The following CDK5RAP1 variants were observed in gnomAD, a reference collection of about 807,000 sequenced individuals.
The protein encoded by CDK5RAP1 is mitochondrial tRNA methylthiotransferase CDK5RAP1.
Under a neutral mutation model 64.5 loss-of-function variants are expected in CDK5RAP1, and 62 were observed. The observed-to-expected ratio is 0.96, with a 90% CI of 0.78 to 1.19. The LOEUF (loss-of-function observed/expected upper bound fraction) is 1.19, where lower values mean the gene tolerates loss of function less well. CDK5RAP1 is among the 50% of genes most tolerant of loss of function. The pLI, the probability that CDK5RAP1 is intolerant of heterozygous loss-of-function variation, is 0.00. For synonymous variants in CDK5RAP1, 250 were observed against 261.9 expected (o/e 0.95, Z 0.44); for missense variants, 657 against 735.0 (o/e 0.89, Z 1.23).
chr20:33,383,741 C>CA (rs34365439), intron 7 of CDK5RAP1, among the ~76,000 whole-genome samples: 56,598 of 90,906 alleles, frequency 0.62, 17,334 homozygotes, highest in Non-Finnish European at 0.69. Context: ...AACTCTGTCT[C>CA]AAAAAAAAAA....
Position 33,370,648 on chromosome 20 carries a change from G to C in CDK5RAP1, c.1262-19C>G. ...CTCACACCTGTGATACACAGCAAAG[G>C]ATGACAGGTGACTGCCTGCTGTTTA... On this transcript the variant is annotated intron_variant, in intron 10 of 13. Coordinates refer to ENST00000346416, the MANE Select transcript of CDK5RAP1 (RefSeq NM_016408.4). The C allele has an allele frequency of 6.2e-7, 1 of 1,613,932 alleles. No homozygotes were observed. Among genetic ancestry groups the C allele is most frequent in the Non-Finnish European group, 8.5e-7 (1 of 1,179,840 alleles).
At chr20:33,392,320 A>T in intron 4 of CDK5RAP1, 78 bp from the exon 5 acceptor site, 1 of 809,464 alleles carries the variant, frequency 1.2e-6, no homozygotes, top group South Asian at 2.1e-5. Context: ...AGTGGGAAGA[A>T]AATAAAAACC....
At chr20:33,385,878 T>C in intron 6 of CDK5RAP1, 108 bp from the exon 7 acceptor site, 5 of 1,015,926 alleles carry the variant, frequency 4.9e-6, no homozygotes, top group Non-Finnish European at 7.2e-6. Context: ...TGAATCCTCT[T>C]GCCACAATGC....
At chr20:33,371,517 G>A (rs937741166) in intron 10 of CDK5RAP1, among the ~76,000 whole-genome samples, 2 of 152,150 alleles carry the variant, frequency 1.3e-5, no homozygotes, top group Non-Finnish European at 2.9e-5. Flanking sequence ...GCCAGGTGCA[G>A]TGGCTCATGC....
intron 4 of CDK5RAP1, 150 bp downstream of exon 4, chr20:33,393,882 G>A (rs749476472): frequency 3.0e-5 from 20 of 660,542 alleles, no homozygotes; most frequent in Non-Finnish European, 5.3e-5. Context: ...TCAGCCAGTT[G>A]TATAAAGACT....
intron 8 of CDK5RAP1, among the ~76,000 whole-genome samples, chr20:33,379,150 C>G (rs1986417641): frequency 6.6e-6 from 1 of 152,150 alleles, no homozygotes; most frequent in South Asian, 2.1e-4. Context: ...CCACCCCACC[C>G]AGCTAATTTT....
chr20:33,386,666 G>A (rs1043858685), intron 6 of CDK5RAP1, among the ~76,000 whole-genome samples: 5 of 151,182 alleles, frequency 3.3e-5, no homozygotes, highest in East Asian at 2.0e-4. Context: ...TATCAAAGAC[G>A]TTCACTGAAG....
chr20:33,366,900 G>C lies in CDK5RAP1; in HGVS notation c.1501C>G (p.Gln501Glu), dbSNP rs1380810977. Residue 501 changes from glutamine (Q) to glutamate (E), a missense_variant, in exon 12 of 14, where the codon CAG becomes GAG. By Grantham distance (29) the Gln-to-Glu change is conservative. Transcript: ENST00000346416. The part of the protein sequence containing the change: ...IFREEATKAN[Q>E]TSVGCTQLVL... ...AACTGGGTACAGCCCACAGAGGTCT[G>C]ATTGGCTTTTGTTGCTTCTTCTCGG... 4 of 1,613,958 alleles carry C rather than the reference G, an allele frequency of 2.5e-6. No homozygotes were observed. The highest frequency in any genetic ancestry group is 2.5e-6 in the Non-Finnish European group (3 of 1,179,968).
chr20:33,392,155 C>T lies in CDK5RAP1; in HGVS notation c.531G>A (p.Arg177=). ...ATTACCAGATACCTAGAATTCCAAT[C>T]CTCAGAGGAACCCGGGAGCGGGGCC... ...TRRPRSRVPL[R]IGILGCMAER... is the part of the protein sequence containing the mutation. Residue 177 remains arginine, a synonymous_variant, in exon 5 of 14, where the codon AGG becomes AGA. Coordinates refer to ENST00000346416, the MANE Select transcript of CDK5RAP1 (RefSeq NM_016408.4). 2 of 1,609,548 alleles carry T rather than the reference C, an allele frequency of 1.2e-6. No homozygotes were observed. Among genetic ancestry groups the T allele is most frequent in the Non-Finnish European group, 1.7e-6 (2 of 1,176,802 alleles).
At chr20:33,373,743 T>C (rs1600731627) in intron 9 of CDK5RAP1, 1 of 193,690 alleles carries the variant, frequency 5.2e-6, no homozygotes, top group African/African-American at 2.3e-5. Flanking sequence ...AGGTGCTTAA[T>C]TAAAAAAAAA....
At chr20:33,363,276 A>G (rs1983264891) in intron 12 of CDK5RAP1, among the ~76,000 whole-genome samples, 2 of 152,240 alleles carry the variant, frequency 1.3e-5, no homozygotes, top group South Asian at 2.1e-4. Flanking sequence ...CTAGAGAGAC[A>G]TGACAGTTAA....
chr20:33,392,999 C>T (rs531301292), intron 4 of CDK5RAP1, among the ~76,000 whole-genome samples: 1 of 152,104 alleles, frequency 6.6e-6, no homozygotes, highest in Non-Finnish European at 1.5e-5. Context: ...CCTGCCTCAG[C>T]CTCCTGAGTA....
At position 33,371,731 on chromosome 20, in the gene CDK5RAP1, C is replaced by T. The variant is rs144420002; in HGVS notation, c.1261+911G>A. Among the ~76,000 whole-genome samples, 1,461 of 151,950 alleles carry T rather than the reference C, an allele frequency of 9.6e-3. 23 individuals are homozygous for T. Among genetic ancestry groups the T allele is most frequent in the African/African-American group, 0.034 (1,396 of 41,424 alleles). ...CTGGCAGGCAGAAGCTGCAGTGAGC[C>T]GAGATTGCGCCACTGCACTCTATCC... On this transcript the variant is annotated intron_variant, in intron 10 of 13. Coordinates refer to ENST00000346416, the MANE Select transcript of CDK5RAP1 (RefSeq NM_016408.4).
Position 33,395,048 on chromosome 20 carries a change from T to G in CDK5RAP1, c.373A>C (p.Lys125Gln), listed in dbSNP as rs755994758. The G allele has an allele frequency of 1.2e-6, 2 of 1,613,230 alleles. No homozygotes were observed. The highest frequency in any genetic ancestry group is 2.2e-5 in the South Asian group (2 of 91,058). The change falls in exon 3 of 14, where the codon AAG (lysine) becomes CAG (glutamine). Residue 125 changes from lysine (K) to glutamine (Q), a missense_variant. Physicochemically the swap from Lys to Gln is moderately conservative, Grantham distance 53. Transcript: ENST00000346416. The part of the protein sequence containing the change: ...DTEIAWSILQ[K>Q]SGYLRTSNLQ... The stretch of plus-strand genomic sequence containing the variant: ...TTACTGGTCCGCAGGTAGCCACTCT[T>G]CTGTAAGATGGACCAGGCTATCTCT...
chr20:33,371,367 A>G (rs890392194), intron 10 of CDK5RAP1, among the ~76,000 whole-genome samples: 1 of 152,224 alleles, frequency 6.6e-6, no homozygotes, highest in Non-Finnish European at 1.5e-5. Context: ...AGAAAGCTGC[A>G]TCCCACAGAA....
chr20:33,383,537 C>T (rs1385209432), intron 7 of CDK5RAP1: 2 of 151,782 alleles, frequency 1.3e-5, no homozygotes, highest in East Asian at 1.9e-4. Context: ...GTCGGGAGAT[C>T]GAGACCAGCC....
Position 33,382,865 on chromosome 20 carries a change from AAAATAAAT to A in CDK5RAP1, c.876+2777_876+2784del, listed in dbSNP as rs531222068. ...GGGCAACAGAACAAGACTCTGTCTC[AAAATAAAT>A]AAATAAATAAGTAAATAAATAAATA... is the stretch of plus-strand genomic sequence containing the variant. On this transcript the variant is annotated intron_variant, in intron 7 of 13. Coordinates refer to ENST00000346416, the MANE Select transcript of CDK5RAP1 (RefSeq NM_016408.4). 7.4e-3 allele frequency among the ~76,000 whole-genome samples: 1,111 copies of A among 150,302 alleles called. 10 individuals are homozygous for A. Among genetic ancestry groups the A allele is most frequent in the African/African-American group, 0.026 (1,050 of 40,826 alleles).
At chr20:33,374,003 A>T in intron 9 of CDK5RAP1, 112 bp downstream of exon 9, 3 of 745,880 alleles carry the variant, frequency 4.0e-6, no homozygotes, top group Non-Finnish European at 7.1e-6. Flanking sequence ...ATATTTACTG[A>T]GCAGCTACTT....
Position 33,376,585 on chromosome 20 carries a change from T to C in CDK5RAP1, c.1108-2373A>G, listed in dbSNP as rs566781755. ...GCTCTGAAAGAGATGTACAAGGAGA[T>C]TATTAGTGTCGTTTTTATGCCTGCT... On this transcript the variant is annotated intron_variant, in intron 8 of 13. Coordinates refer to ENST00000346416, the MANE Select transcript of CDK5RAP1 (RefSeq NM_016408.4). 2.0e-4 allele frequency among the ~76,000 whole-genome samples: 30 copies of C among 152,312 alleles called. 1 individual carries two copies. The South Asian group carries it at 6.0e-3, about 30-fold the overall frequency.
Sources: allele counts gnomAD v4.1 joint callset (sites outside exome capture counted in the v4.1 genomes callset), GRCh38; gene constraint gnomAD v4.1.1; transcripts MANE v1.5; gene names NCBI Gene and HGNC (gene_info 2026-07-23, HGNC 2026-07-21).